EXOG: variants seen among roughly 807,000 people sequenced by gnomAD.
The protein encoded by EXOG is nuclease EXOG, mitochondrial.
Under a neutral mutation model 25.8 loss-of-function variants are expected in EXOG, and 27 were observed. The ratio of observed to expected loss-of-function variants is 1.05; its 90% CI spans 0.77 to 1.45. The LOEUF (loss-of-function observed/expected upper bound fraction) is 1.45. Among genes scored for constraint, EXOG ranks in the 40% most tolerant of loss-of-function variants. The pLI is 0.00. For missense variants in EXOG, 458 were observed against 450.5 expected, an observed-to-expected ratio of 1.02 and a Z score of -0.15; for synonymous variants, 133 against 167.0, an observed-to-expected ratio of 0.80 and a Z score of 1.57.
intron 3 of EXOG, 97 bp downstream of exon 3, chr3:38,501,591 C>A: frequency 9.7e-7 from 1 of 1,029,994 alleles, no homozygotes; most frequent in South Asian, 1.5e-5. Flanking sequence ...AACCTTAAAA[C>A]TTGAGAATTT....
intron 5 of EXOG, among the ~76,000 whole-genome samples, chr3:38,508,065 A>C (rs1338218699): frequency 6.6e-6 from 1 of 152,164 alleles, no homozygotes; most frequent in Non-Finnish European, 1.5e-5. Context: ...CAGGAGGCGG[A>C]GGTTGCACTG....
chr3:38,498,042 CA>C (rs1364983525), intron 2 of EXOG: 2 of 378,646 alleles, frequency 5.3e-6, no homozygotes, highest in African/African-American at 4.3e-5. Context: ...CAATGAGCAC[CA>C]TTCAGTTTTA....
Position 38,497,634 on chromosome 3 carries a change from G to A in EXOG, c.169G>A (p.Ala57Thr). ...TTTTTTTTTTTCATTTTTAGGATCTGCAGAAAAGGCTGTCTTGGAACAATT... is the reference window on the plus strand; with the variant it reads ...TTTTTTTTTTTCATTTTTAGGATCTACAGAAAAGGCTGTCTTGGAACAATT... ...ALTGKQPDGS[A>T]EKAVLEQFGF... The change falls in exon 2 of 6, where the codon GCA becomes ACA. Residue 57 changes from alanine to threonine, a missense_variant. Around this residue, in one of 3 missense-constraint regions of EXOG, gnomAD observed 275 missense variants for 230.5 expected, o/e 1.19. Coordinates refer to ENST00000287675, the MANE Select transcript of EXOG (RefSeq NM_005107.4). 1 of 1,480,674 alleles carries A rather than the reference G, an allele frequency of 6.8e-7. No individual in the cohort carries two copies. Among genetic ancestry groups the A allele is most frequent in the Non-Finnish European group, 9.0e-7 (1 of 1,111,764 alleles). The allele number at this position is 1,480,674 out of a possible 1,614,324, so 91.7% of individuals were successfully genotyped here.
chr3:38,497,599 C>A (rs996229047), intron 1 of EXOG, 30 bp from the exon 2 acceptor site: 25 of 1,506,934 alleles, frequency 1.7e-5, no homozygotes, highest in Non-Finnish European at 2.1e-5. Context: ...TTGTCTCTGC[C>A]CCCCCTTTTT....
intron 5 of EXOG, among the ~76,000 whole-genome samples, chr3:38,520,238 G>A (rs114455256): frequency 0.026 from 3,975 of 152,092 alleles, 185 homozygotes; most frequent in African/African-American, 0.089. Flanking sequence ...TCTGTCTCTT[G>A]GATGGAAGGA....
At chr3:38,508,632 T>C (rs796576490) in intron 5 of EXOG, among the ~76,000 whole-genome samples, 1 of 151,852 alleles carries the variant, frequency 6.6e-6, no homozygotes, top group Non-Finnish European at 1.5e-5. Context: ...AAAGTAGATA[T>C]TTAATAAATG....
At chr3:38,520,796 A>G (rs1029866739) in intron 5 of EXOG, among the ~76,000 whole-genome samples, 1 of 152,178 alleles carries the variant, frequency 6.6e-6, no homozygotes, top group African/African-American at 2.4e-5. Flanking sequence ...CAATCCACCC[A>G]CGGGGATGGC....
At chr3:38,517,011 T>A (rs377636883) in intron 5 of EXOG, among the ~76,000 whole-genome samples, 1 of 152,358 alleles carries the variant, frequency 6.6e-6, no homozygotes, top group East Asian at 1.9e-4. Flanking sequence ...TAAGGTGGTG[T>A]CTACCAGGTT....
chr3:38,526,068 A>C lies in EXOG; in HGVS notation c.*1706A>C. ...AGGTCCAAAGGCATTTAGCATTCCT[A>C]GGGGAAATTGTGGCTGTTTTTCTGA... On this transcript the variant is annotated 3_prime_UTR_variant, in exon 6 of 6. Transcript: ENST00000287675. 3.0e-6 allele frequency: 3 copies of C among 985,380 alleles called. No homozygotes were observed. Among genetic ancestry groups the C allele is most frequent in the Non-Finnish European group, 3.6e-6 (3 of 829,906 alleles). The allele number at this position is 985,380 out of a possible 1,614,324, so 61.0% of individuals were successfully genotyped here.
chr3:38,524,588 T>C lies in EXOG; in HGVS notation c.*226T>C, dbSNP rs112743283. ...CTCCTGCCTCTGCCCCCTGAGCAGC[T>C]GGGACTACAGGCACACACCATCACC... On this transcript the variant is annotated 3_prime_UTR_variant, in exon 6 of 6. Transcript: ENST00000287675. 1 of 1,251,736 alleles carries C rather than the reference T, an allele frequency of 8.0e-7. No individual in the cohort carries two copies. Among genetic ancestry groups the C allele is most frequent in the Non-Finnish European group, 1.0e-6 (1 of 991,468 alleles). The allele number at this position is 1,251,736 out of a possible 1,614,324, so 77.5% of individuals were successfully genotyped here.
intron 5 of EXOG, among the ~76,000 whole-genome samples, chr3:38,518,841 G>A (rs986130078): frequency 1.3e-5 from 2 of 152,134 alleles, no homozygotes; most frequent in Non-Finnish European, 2.9e-5. Flanking sequence ...AGAAAATCAA[G>A]GCTTTAAGGA....
At chr3:38,501,197 G>GTATCTGA in intron 2 of EXOG, 158 bp from the exon 3 acceptor site, 1 of 618,336 alleles carries the variant, frequency 1.6e-6, no homozygotes, top group Non-Finnish European at 2.9e-6. Flanking sequence ...TTCAGATGAA[G>GTATCTGA]TATCTGAACT....
At chr3:38,523,300 T>TTCCTTTG in intron 5 of EXOG, 1 of 1,287,504 alleles carries the variant, frequency 7.8e-7, no homozygotes, top group Non-Finnish European at 1.0e-6. Context: ...ACTCATGGCA[T>TTCCTTTG]TCCTTTGTCC....
At chr3:38,504,319 T>C (rs2125761292) in intron 4 of EXOG, among the ~76,000 whole-genome samples, 1 of 152,164 alleles carries the variant, frequency 6.6e-6, no homozygotes, top group Non-Finnish European at 1.5e-5. Context: ...TGAGCGGTGA[T>C]TGTGCCACTG....
At chr3:38,503,723 T>A (rs765204538) in intron 4 of EXOG, 32 bp downstream of exon 4, 2 of 1,247,254 alleles carry the variant, frequency 1.6e-6, no homozygotes, top group Admixed American at 3.4e-5. Flanking sequence ...AACATGATTC[T>A]ATGGAAGATA....
In EXOG at chr3:38,504,047, A is replaced by T. The variant is rs1268456653; in HGVS notation, c.530+356A>T. Among the ~76,000 whole-genome samples the T allele has an allele frequency of 3.3e-5, 5 of 151,988 alleles. No homozygotes were observed. The South Asian group carries it at 8.3e-4, about 25-fold the overall frequency. ...ATTCCAATATTTCTTAGCTTTTTTT[A>T]AAAAAACAGTTTTGTATTTCAAGAG... On this transcript the variant is annotated intron_variant, in intron 4 of 5. Transcript: ENST00000287675.
chr3:38,497,570 TTGTG>T, intron 1 of EXOG, 55 bp from the exon 2 acceptor site: 1 of 1,508,800 alleles, frequency 6.6e-7, no homozygotes, highest in Non-Finnish European at 8.8e-7. Context: ...GAGCCACTAA[TTGTG>T]TGTGTGTGTT....
chr3:38,520,409 T>G (rs1203197820), intron 5 of EXOG, among the ~76,000 whole-genome samples: 1 of 152,230 alleles, frequency 6.6e-6, no homozygotes, highest in African/African-American at 2.4e-5. Flanking sequence ...AGCAAGGGTT[T>G]CCTTTGCAAA....
At chr3:38,503,389 T>C (rs1248707626) in intron 3 of EXOG, among the ~76,000 whole-genome samples, 1 of 152,232 alleles carries the variant, frequency 6.6e-6, no homozygotes, top group Non-Finnish European at 1.5e-5. Context: ...GATTTTATAA[T>C]TGATAAGCCT....
Sources: gnomAD v4.1 joint callset for allele counts (sites outside exome capture counted in the v4.1 genomes callset) on GRCh38, gnomAD v4.1.1 for gene constraint, gnomAD v4.1.1 regional missense constraint, MANE v1.5 for transcripts, NCBI Gene and HGNC (gene_info 2026-07-23, HGNC 2026-07-21) for gene names.